The following PTBP1 variants were observed in gnomAD, a reference collection of about 807,000 sequenced individuals.
PTBP1 encodes polypyrimidine tract-binding protein 1.
PTBP1 carries 8 observed loss-of-function variants against 59.8 expected under a neutral mutation model. The ratio of observed to expected loss-of-function variants is 0.13; its 90% CI spans 0.08 to 0.24. The LOEUF (loss-of-function observed/expected upper bound fraction) is 0.24, where lower values mean the gene tolerates loss of function less well. PTBP1 is among the 10% of genes least tolerant of loss of function. The pLI, the probability that PTBP1 is intolerant of heterozygous loss-of-function variation, is 1.00. For missense variants in PTBP1, 686 were observed against 767.0 expected (o/e 0.89, Z 1.25); for synonymous variants, 490 against 320.7 (o/e 1.53, Z -5.64).
intron 13 of PTBP1, among the ~76,000 whole-genome samples, chr19:809,355 G>A (rs1427880327): frequency 1.3e-5 from 2 of 150,468 alleles, no homozygotes; most frequent in Admixed American, 6.7e-5. Flanking sequence ...ATGGAGTCAC[G>A]CTCTGTCGCC....
At chr19:807,842 C>T (rs1472444346) in intron 10 of PTBP1, 27 bp from the exon 11 acceptor site, 10 of 1,610,668 alleles carry the variant, frequency 6.2e-6, no homozygotes, top group South Asian at 3.3e-5. Flanking sequence ...CCTGTCCCTC[C>T]GCTGCCTTGC....
At chr19:802,748 C>CAA (rs778733370) in intron 2 of PTBP1, among the ~76,000 whole-genome samples, 1 of 152,228 alleles carries the variant, frequency 6.6e-6, no homozygotes, top group African/African-American at 2.4e-5. Context: ...TTTGAATAAA[C>CAA]GTGTGTCTTC....
At chr19:807,828 C>T (rs1463219600) in intron 10 of PTBP1, 41 bp from the exon 11 acceptor site, 3 of 1,589,072 alleles carry the variant, frequency 1.9e-6, no homozygotes, top group Non-Finnish European at 1.7e-6. Context: ...ACCTCTCCCT[C>T]TCCCCTGTCC....
chr19:806,777 T>TA, intron 10 of PTBP1: 2 of 470,496 alleles, frequency 4.3e-6, no homozygotes, highest in Non-Finnish European at 7.4e-6. Flanking sequence ...TCTTGCATGA[T>TA]ACGCAGAATG....
At chr19:802,680 C>T (rs1372027944) in intron 2 of PTBP1, among the ~76,000 whole-genome samples, 2 of 152,208 alleles carry the variant, frequency 1.3e-5, no homozygotes, top group African/African-American at 2.4e-5. Context: ...TCCTCAGACC[C>T]GAGCTTTGTT....
chr19:807,084 G>T (rs956245078), intron 10 of PTBP1: 1 of 152,182 alleles, frequency 6.6e-6, no homozygotes, highest in East Asian at 1.9e-4. Flanking sequence ...TCTGTTTCCC[G>T]GCAACTCCTG....
chr19:805,383 AGGCTCTGCCGGGGCCGCCC>A (rs1223904401), intron 8 of PTBP1, 90 bp from the exon 9 acceptor site: 2 of 1,256,144 alleles, frequency 1.6e-6, no homozygotes, highest in Non-Finnish European at 2.3e-6. Context: ...CTGCCCGCGA[AGGCTCTGCCGGGGCCGCCC>A]GCCGGCCGGG....
At position 808,439 on chromosome 19, in the gene PTBP1, C is replaced by T. The variant is rs778947511; in HGVS notation, c.1233C>T (p.Asn411=). The T allele has an allele frequency of 1.9e-6, 3 of 1,604,230 alleles. No individual in the cohort carries two copies. Among genetic ancestry groups the T allele is most frequent in the Admixed American group, 1.7e-5 (1 of 59,222 alleles). ...CCCTAGTGCAGATGGCGGACGGCAA[C>T]CAGGCCCAGCTGGGTAAGAGGCCGG... The part of the protein sequence containing the change: ...ENALVQMADG[N]QAQLAMSHLN... Residue 411 remains asparagine, a synonymous_variant, in exon 12 of 15, where the codon AAC becomes AAT. Transcript: ENST00000356948. This position sits in a 1 kb window ranked among gnomAD's most constrained non-coding sequence, Gnocchi z 4.7.
rs1326544429 is a variant in PTBP1 at position 808,804 on chromosome 19, A to G, written c.1463+42A>G. 1 of 1,564,090 alleles carries G rather than the reference A, an allele frequency of 6.4e-7. No individual in the cohort carries two copies. The highest frequency in any genetic ancestry group is 2.4e-5 in the East Asian group (1 of 42,406). On this transcript the variant is annotated intron_variant, in intron 13 of 14. Coordinates refer to ENST00000356948, the MANE Select transcript of PTBP1 (RefSeq NM_002819.5). The surrounding 1 kb of genome is among the most constrained non-coding windows in gnomAD (Gnocchi z 4.7). ...GGGGCTCATGGGGCCGGGGGCGGGC[A>G]AGGGCTCTGCTTGGCTGTCCTACCG...
intron 9 of PTBP1, 154 bp downstream of exon 9, chr19:805,723 G>A: frequency 2.9e-6 from 2 of 696,698 alleles, no homozygotes; most frequent in South Asian, 1.7e-5. Flanking sequence ...CGTCCACAGA[G>A]CAGGCTTGGC....
intron 1 of PTBP1, chr19:798,320 C>T (rs1035109568): frequency 1.3e-5 from 2 of 152,180 alleles, no homozygotes; most frequent in African/African-American, 2.4e-5. Flanking sequence ...TGGGAGCCCC[C>T]TCCAGAAAGG....
chr19:806,305 C>T, intron 9 of PTBP1, 103 bp from the exon 10 acceptor site: 2 of 1,316,960 alleles, frequency 1.5e-6, no homozygotes, highest in Non-Finnish European at 2.0e-6. Context: ...CCGCCTCCCG[C>T]GCGGCTCGGC....
chr19:805,764 C>T, intron 9 of PTBP1, 195 bp downstream of exon 9: 1 of 597,972 alleles, frequency 1.7e-6, no homozygotes, highest in Non-Finnish European at 3.0e-6. Context: ...GCTGTGGAGG[C>T]CCACGTGTGG....
At chr19:806,385 C>T (rs2034577680) in intron 9 of PTBP1, 23 bp from the exon 10 acceptor site, 9 of 1,589,850 alleles carry the variant, frequency 5.7e-6, no homozygotes, top group Admixed American at 3.5e-5. Flanking sequence ...CGCCGCCGCT[C>T]ATCTCACCTC....
rs1337970748 is a variant in PTBP1, at chr19:810,964, T to TA, written c.*145dup. ...AAAGAGAAATCAGTTTACCTGTTTT[T>TA]AAAAAAATTAAATCTAGTTCACCTT... On this transcript the variant is annotated 3_prime_UTR_variant, in exon 15 of 15. Coordinates refer to ENST00000356948, the MANE Select transcript of PTBP1 (RefSeq NM_002819.5). 6.2e-5 allele frequency: 58 copies of TA among 928,826 alleles called. No individual in the cohort carries two copies. In the East Asian group the frequency reaches 1.8e-3, roughly 28 times the overall value. 57.5% of individuals were successfully genotyped at this position (928,826 alleles called of 1,614,324 possible).
At chr19:799,826 A>G (rs1012584559) in intron 2 of PTBP1, among the ~76,000 whole-genome samples, 5 of 152,182 alleles carry the variant, frequency 3.3e-5, no homozygotes, top group Non-Finnish European at 7.3e-5. Flanking sequence ...ATAGGAAAAG[A>G]GCCACCTGGC....
intron 7 of PTBP1, 21 bp downstream of exon 7, chr19:804,960 G>T (rs759808148): frequency 6.2e-7 from 1 of 1,612,576 alleles, no homozygotes; most frequent in Non-Finnish European, 8.5e-7. Flanking sequence ...CTCCCGGGAC[G>T]GCGCCCGCCC....
rs761495007 is a variant in PTBP1, at chr19:804,078, G to T, written c.158G>T (p.Ser53Ile). ...AAGAAGTTCAAAGGTGACAGCCGAA[G>T]TGCAGGCGTCCCCTCTAGAGTGATC... is the stretch of plus-strand genomic sequence containing the variant. The part of the protein sequence containing the change: ...DSKKFKGDSR[S>I]AGVPSRVIHI... The change falls in exon 4 of 15, where the codon AGT becomes ATT. Residue 53 changes from serine (S) to isoleucine (I), a missense_variant. By Grantham distance (142) the Ser-to-Ile change is moderately radical. Transcript: ENST00000356948. 6.2e-7 allele frequency: 1 copy of T among 1,614,058 alleles called. No individual in the cohort carries two copies. Among genetic ancestry groups the T allele is most frequent in the Admixed American group, 1.7e-5 (1 of 60,012 alleles).
chr19:802,191 C>T (rs914892818), intron 2 of PTBP1, among the ~76,000 whole-genome samples: 2 of 152,208 alleles, frequency 1.3e-5, no homozygotes, highest in African/African-American at 4.8e-5. Context: ...CCTCCTTGAG[C>T]AGGTGCCGGA....
Sources: allele counts gnomAD v4.1 joint callset (sites outside exome capture counted in the v4.1 genomes callset), GRCh38; gene constraint gnomAD v4.1.1; non-coding constraint Gnocchi (gnomAD v3.1); transcripts MANE v1.5; gene names NCBI Gene and HGNC (gene_info 2026-07-23, HGNC 2026-07-21).